The following SLC20A2 variants were observed in gnomAD, a reference collection of about 807,000 sequenced individuals.
SLC20A2 encodes solute carrier family 20 member 2, also known as sodium-dependent phosphate transporter 2.
SLC20A2 carries 30 observed loss-of-function variants against 61.0 expected under a neutral mutation model. The ratio of observed to expected loss-of-function variants is 0.49; its 90% CI spans 0.37 to 0.67. SLC20A2 has a LOEUF of 0.67. Ranked by LOEUF, SLC20A2 falls within the 30% of genes least tolerant of loss-of-function variation. The pLI is 0.00. For synonymous variants in SLC20A2, 351 were observed against 353.3 expected, an observed-to-expected ratio of 0.99 and a Z score of 0.07; for missense variants, 626 against 866.4, an observed-to-expected ratio of 0.72 and a Z score of 3.48.
intron 1 of SLC20A2, among the ~76,000 whole-genome samples, chr8:42,533,007 T>C (rs1013367733): frequency 6.6e-6 from 1 of 151,548 alleles, no homozygotes; most frequent in Admixed American, 6.6e-5. Context: ...AGAGGAAAAA[T>C]ATAAAAGTGG....
intron 5 of SLC20A2, among the ~76,000 whole-genome samples, chr8:42,453,332 A>G (rs1236123406): frequency 6.6e-6 from 1 of 152,246 alleles, no homozygotes; most frequent in Non-Finnish European, 1.5e-5. Flanking sequence ...TTTTAAGAAC[A>G]AAAATGCAAA....
intron 5 of SLC20A2, among the ~76,000 whole-genome samples, chr8:42,452,109 A>T (rs1805752694): frequency 7.4e-6 from 1 of 135,468 alleles, no homozygotes; most frequent in Admixed American, 7.4e-5. Context: ...ATGAAAGAGG[A>T]GGAGGAAAAG....
intron 5 of SLC20A2, among the ~76,000 whole-genome samples, chr8:42,448,728 G>A (rs781767289): frequency 2.5e-4 from 38 of 152,132 alleles, no homozygotes; most frequent in Admixed American, 1.6e-3. Flanking sequence ...AACACGTCAC[G>A]GAGGAGGAAG....
At chr8:42,459,259 A>C (rs535776637) in intron 5 of SLC20A2, among the ~76,000 whole-genome samples, 2,250 of 148,180 alleles carry the variant, frequency 0.015, 23 homozygotes, top group Middle Eastern at 0.025. Context: ...AAAAAAAAAA[A>C]CATAAAAAAT....
At chr8:42,438,058 AAAAC>A (rs1563455658) in intron 7 of SLC20A2, among the ~76,000 whole-genome samples, 4 of 130,270 alleles carry the variant, frequency 3.1e-5, no homozygotes, top group African/African-American at 1.3e-4. Flanking sequence ...ACTAAAAAAA[AAAAC>A]CAAAAAAAAA....
At chr8:42,497,361 C>G (rs1810001954) in intron 1 of SLC20A2, among the ~76,000 whole-genome samples, 1 of 152,126 alleles carries the variant, frequency 6.6e-6, no homozygotes, top group African/African-American at 2.4e-5. Context: ...ACCAGAATCA[C>G]TTGGGAGATT....
At chr8:42,466,033 T>G in intron 2 of SLC20A2, 116 bp from the exon 3 acceptor site, 2 of 971,178 alleles carry the variant, frequency 2.1e-6, no homozygotes, top group Non-Finnish European at 2.9e-6. Flanking sequence ...TTTCTGTGAA[T>G]TGTTTCTTTA....
chr8:42,480,204 T>A (rs1385517244), intron 1 of SLC20A2, among the ~76,000 whole-genome samples: 1 of 152,192 alleles, frequency 6.6e-6, no homozygotes, highest in Non-Finnish European at 1.5e-5. Context: ...ACAATGACAT[T>A]AGCCATATGA....
chr8:42,457,542 G>A (rs555073289), intron 5 of SLC20A2, among the ~76,000 whole-genome samples: 3 of 151,678 alleles, frequency 2.0e-5, no homozygotes, highest in Admixed American at 6.6e-5. Flanking sequence ...GGGCAGTGGC[G>A]CAAGCTTGGC....
intron 1 of SLC20A2, among the ~76,000 whole-genome samples, chr8:42,475,694 A>C (rs573915939): frequency 9.1e-4 from 139 of 152,088 alleles, no homozygotes; most frequent in African/African-American, 3.1e-3. Context: ...TACAGGCGTG[A>C]GCCACCACAC....
intron 8 of SLC20A2, 25 bp from the exon 9 acceptor site, chr8:42,430,274 A>G (rs1376250988): frequency 1.3e-6 from 2 of 1,590,262 alleles, no homozygotes; most frequent in Non-Finnish European, 1.7e-6. Context: ...AAGAGAAAAG[A>G]TTAACTATAT....
chr8:42,418,844 A>G (rs1585970184), intron 10 of SLC20A2, among the ~76,000 whole-genome samples: 1 of 151,738 alleles, frequency 6.6e-6, no homozygotes, highest in African/African-American at 2.4e-5. Context: ...TAAGAATACC[A>G]AAAATTAGCC....
chr8:42,418,113 T>G (rs1665600580), intron 10 of SLC20A2, 146 bp from the exon 11 acceptor site: 1 of 591,060 alleles, frequency 1.7e-6, no homozygotes, highest in Non-Finnish European at 2.9e-6. Flanking sequence ...ATAGCTTAGA[T>G]TTTAGGTAGA....
intron 1 of SLC20A2, among the ~76,000 whole-genome samples, chr8:42,475,630 T>C (rs2978453): frequency 6.6e-6 from 1 of 151,550 alleles, no homozygotes; most frequent in Non-Finnish European, 1.5e-5. Flanking sequence ...AGGCTGGTCT[T>C]GAACTCCTGA....
At chr8:42,517,152 A>G (rs998468814) in intron 1 of SLC20A2, among the ~76,000 whole-genome samples, 3 of 152,188 alleles carry the variant, frequency 2.0e-5, no homozygotes, top group Non-Finnish European at 4.4e-5. Flanking sequence ...TGACCTGGAA[A>G]TTAGATAAAC....
intron 10 of SLC20A2, among the ~76,000 whole-genome samples, chr8:42,418,646 C>T (rs1182993638): frequency 6.6e-6 from 1 of 152,068 alleles, no homozygotes; most frequent in Non-Finnish European, 1.5e-5. Flanking sequence ...CCTCAGCCTC[C>T]CAAAGTGCTG....
intron 10 of SLC20A2, among the ~76,000 whole-genome samples, chr8:42,428,212 C>T (rs1803559652): frequency 1.3e-5 from 2 of 152,208 alleles, no homozygotes; most frequent in Admixed American, 6.5e-5. Flanking sequence ...GGAGCCCTCT[C>T]TTGTCCAGCT....
chr8:42,511,311 G>C lies in SLC20A2; in HGVS notation c.-265+30510C>G, dbSNP rs1331114879. 9.9e-5 allele frequency among the ~76,000 whole-genome samples: 15 copies of C among 152,170 alleles called. 1 individual carries two copies. Among genetic ancestry groups the C allele is most frequent in the Admixed American group, 9.8e-4 (15 of 15,272 alleles). ...GTTTTGCTGTAAATGGGTATGATCT[G>C]TTTCCAAACAGATAAACTAAGAAGT... On this transcript the variant is annotated intron_variant, in intron 1 of 10. Coordinates refer to the SLC20A2 transcript ENST00000342228.
At chr8:42,441,597 T>G (rs976225263) in intron 6 of SLC20A2, among the ~76,000 whole-genome samples, 2 of 150,262 alleles carry the variant, frequency 1.3e-5, no homozygotes, top group Non-Finnish European at 3.0e-5. Context: ...GCCTCCTGAG[T>G]AGCTGGGATT....
Sources: gnomAD v4.1 joint callset for allele counts (sites outside exome capture counted in the v4.1 genomes callset) on GRCh38, gnomAD v4.1.1 for gene constraint, MANE v1.5 for transcripts, NCBI Gene and HGNC (gene_info 2026-07-23, HGNC 2026-07-21) for gene names.